Variants in GABRA3 observed in about 807,000 individuals in gnomAD.
The protein encoded by GABRA3 is gamma-aminobutyric acid type A receptor subunit alpha3, also known as gamma-aminobutyric acid receptor subunit alpha-3.
In GABRA3, 10 loss-of-function variants were observed where a neutral mutation model predicts 30.1. The ratio of observed to expected loss-of-function variants is 0.33; its 90% CI spans 0.20 to 0.56. The LOEUF (loss-of-function observed/expected upper bound fraction) is 0.56, where lower values mean the gene tolerates loss of function less well. GABRA3 is among the 20% of genes least tolerant of loss of function. The pLI is 0.89. For synonymous variants in GABRA3, 151 were observed against 146.8 expected, an observed-to-expected ratio of 1.03 and a Z score of -0.21; for missense variants, 233 against 392.0, an observed-to-expected ratio of 0.59 and a Z score of 3.42.
At chrX:152,179,517 T>A (rs1265839090) in intron 9 of GABRA3, among the ~76,000 whole-genome samples, 1 of 105,311 alleles carries the variant, frequency 9.5e-6, no homozygotes, top group Non-Finnish European at 2.0e-5. Flanking sequence ...TTTTTTGAGA[T>A]GGAGTCTCGC....
rs1020713795 is a variant in GABRA3 at position 152,244,474 on chromosome X, G to T, written c.551+11304C>A. 4.5e-5 allele frequency among the ~76,000 whole-genome samples: 5 copies of T among 111,915 alleles called. No homozygotes were observed. The South Asian group carries it at 1.9e-3, about 42-fold the overall frequency. On this transcript the variant is annotated intron_variant, in intron 5 of 9. Coordinates refer to ENST00000370314, the MANE Select transcript of GABRA3 (RefSeq NM_000808.4). ...GTCTCTTCTGCCATGTGAGGACACA[G>T]CAAAAAGTTGCCATATTTGAAGCAG...
intron 4 of GABRA3, among the ~76,000 whole-genome samples, chrX:152,281,227 C>A (rs190349776): frequency 3.8e-4 from 42 of 111,927 alleles, no homozygotes; most frequent in African/African-American, 1.3e-3. Context: ...TTCTTTGCAA[C>A]CTTTCTCTTA....
chrX:152,268,236 C>G (rs1938864566), intron 4 of GABRA3, among the ~76,000 whole-genome samples: 1 of 111,489 alleles, frequency 9.0e-6, no homozygotes, highest in Non-Finnish European at 1.9e-5. Flanking sequence ...AGGTTTTGCT[C>G]TGTGTCCCCA....
rs754868990 is a variant in GABRA3 at position 152,316,701 on chromosome X, G to A, written c.262+28880C>T. Among the ~76,000 whole-genome samples, 609 of 111,866 alleles carry A rather than the reference G, an allele frequency of 5.4e-3. 5 individuals are homozygous for A. The highest frequency in any genetic ancestry group is 7.9e-3 in the Non-Finnish European group (422 of 53,144). ...CAAGCTAGAAAGGATTGGGGCCCTC[G>A]CTTCAGCCTCCTTAAACAAAACAAT... On this transcript the variant is annotated intron_variant, in intron 3 of 9. Coordinates refer to ENST00000370314, the MANE Select transcript of GABRA3 (RefSeq NM_000808.4).
At position 152,202,313 on chromosome X, in the gene GABRA3, G is replaced by C. The variant is rs140396893; in HGVS notation, c.779-4528C>G. On this transcript the variant is annotated intron_variant, in intron 7 of 9. Coordinates refer to ENST00000370314, the MANE Select transcript of GABRA3 (RefSeq NM_000808.4). ...TAGAAAGGAATGCCCATAATTTATG[G>C]TCACAATAAAAACAATACATATATA... 8.0e-4 allele frequency among the ~76,000 whole-genome samples: 89 copies of C among 111,636 alleles called. No individual in the cohort carries two copies. The East Asian group carries it at 0.022, about 28-fold the overall frequency.
intron 1 of GABRA3, among the ~76,000 whole-genome samples, chrX:152,425,258 T>C (rs1170464565): frequency 9.0e-6 from 1 of 110,622 alleles, no homozygotes; most frequent in Non-Finnish European, 1.9e-5. Context: ...AAGAACAATA[T>C]CACACTTGTA....
intron 1 of GABRA3, among the ~76,000 whole-genome samples, chrX:152,378,512 T>C (rs183637439): frequency 6.3e-5 from 7 of 111,526 alleles, no homozygotes; most frequent in African/African-American, 2.3e-4. Flanking sequence ...GTATGTCTTC[T>C]ATATTAGAAG....
chrX:152,270,365 A>C (rs767130145), intron 4 of GABRA3, among the ~76,000 whole-genome samples: 2 of 111,889 alleles, frequency 1.8e-5, no homozygotes, highest in Admixed American at 9.5e-5. Flanking sequence ...AGCCATGCTG[A>C]ACTGTGAGTC....
At chrX:152,444,230 T>A (rs1931007343) in intron 1 of GABRA3, among the ~76,000 whole-genome samples, 1 of 111,493 alleles carries the variant, frequency 9.0e-6, no homozygotes, top group African/African-American at 3.3e-5. Flanking sequence ...CTGGGTCCCG[T>A]TTTGGACATC....
intron 1 of GABRA3, among the ~76,000 whole-genome samples, chrX:152,385,512 G>C (rs1256938951): frequency 8.9e-6 from 1 of 111,793 alleles, no homozygotes; most frequent in Admixed American, 9.5e-5. Flanking sequence ...AGCCACAAAG[G>C]TTGTGAAAAT....
At position 152,224,852 on chromosome X, in the gene GABRA3, G is replaced by C. The variant is rs745413678; in HGVS notation, c.552-7C>G. On this transcript the variant is annotated splice_polypyrimidine_tract_variant and splice_region_variant and intron_variant, in intron 5 of 9. Coordinates refer to ENST00000370314, the MANE Select transcript of GABRA3 (RefSeq NM_000808.4). ...CTCAGCATGAATTGTTAACCTAAAA[G>C]AAAGGCAAACAGAAAATGAAATTAA... 1.8e-5 allele frequency: 20 copies of C among 1,137,637 alleles called. 1 individual carries two copies. The Admixed American group carries it at 4.3e-4, about 25-fold the overall frequency. 93.8% of individuals were successfully genotyped at this position (1,137,637 alleles called of 1,213,427 possible).
intron 4 of GABRA3, among the ~76,000 whole-genome samples, chrX:152,277,759 C>A (rs1939114521): frequency 8.9e-6 from 1 of 111,976 alleles, no homozygotes; most frequent in Admixed American, 9.5e-5. Context: ...AGTCTGCCTC[C>A]TGGGAAAGAC....
intron 2 of GABRA3, among the ~76,000 whole-genome samples, chrX:152,363,675 C>T (rs1442735339): frequency 8.9e-6 from 1 of 112,092 alleles, no homozygotes; most frequent in African/African-American, 3.2e-5. Context: ...GCTCAAGAAT[C>T]CTTGTTTCAT....
chrX:152,240,920 C>T (rs1254882356), intron 5 of GABRA3, among the ~76,000 whole-genome samples: 36 of 90,893 alleles, frequency 4.0e-4, no homozygotes, highest in African/African-American at 1.5e-3. Context: ...AAGTTTTCAA[C>T]TTCTTTGCCT....
intron 3 of GABRA3, among the ~76,000 whole-genome samples, chrX:152,325,351 T>C (rs1277957817): frequency 9.0e-6 from 1 of 111,502 alleles, no homozygotes; most frequent in African/African-American, 3.3e-5. Context: ...AGAGTAGTGG[T>C]TCTCCCAGCA....
At chrX:152,347,515 G>A (rs1379869952) in intron 2 of GABRA3, among the ~76,000 whole-genome samples, 1 of 111,568 alleles carries the variant, frequency 9.0e-6, no homozygotes, top group East Asian at 2.8e-4. Flanking sequence ...AAATGTTTGA[G>A]GGGATGGATA....
intron 2 of GABRA3, among the ~76,000 whole-genome samples, chrX:152,349,926 G>A (rs1940451452): frequency 1.2e-5 from 1 of 83,194 alleles, no homozygotes; most frequent in Non-Finnish European, 2.3e-5. Flanking sequence ...GGATACCCAG[G>A]AATTGAACTC....
intron 1 of GABRA3, among the ~76,000 whole-genome samples, chrX:152,379,100 C>T (rs114454561): frequency 0.015 from 1,677 of 111,149 alleles, 33 homozygotes; most frequent in African/African-American, 0.051. Context: ...TGAACAAGAT[C>T]GAGTAACAAA....
At chrX:152,300,613 A>C (rs1323078434) in intron 3 of GABRA3, among the ~76,000 whole-genome samples, 3 of 112,553 alleles carry the variant, frequency 2.7e-5, no homozygotes, top group Non-Finnish European at 5.6e-5. Context: ...AACTATTATA[A>C]CTCTGTTTCA....
Sources: gnomAD v4.1 joint callset for allele counts (sites outside exome capture counted in the v4.1 genomes callset) on GRCh38, gnomAD v4.1.1 for gene constraint, MANE v1.5 for transcripts, NCBI Gene and HGNC (gene_info 2026-07-23, HGNC 2026-07-21) for gene names.